Variants in MEOX2 observed in about 807,000 individuals in gnomAD.
MEOX2 encodes homeobox protein MOX-2.
In MEOX2, 11 loss-of-function variants were observed where a neutral mutation model predicts 27.0. The observed-to-expected ratio is 0.41, with a 90% CI of 0.26 to 0.68. MEOX2 has a LOEUF of 0.68. Ranked by LOEUF, MEOX2 falls within the 30% of genes least tolerant of loss-of-function variation. The pLI, the probability that MEOX2 is intolerant of heterozygous loss-of-function variation, is 0.33. For missense variants in MEOX2, 436 were observed against 385.4 expected, an observed-to-expected ratio of 1.13 and a Z score of -1.10; for synonymous variants, 189 against 155.4, an observed-to-expected ratio of 1.22 and a Z score of -1.61.
intron 1 of MEOX2, among the ~76,000 whole-genome samples, chr7:15,637,748 T>C (rs1026713374): frequency 6.6e-6 from 1 of 152,014 alleles, no homozygotes; most frequent in African/African-American, 2.4e-5. Context: ...ATCGGGGCTT[T>C]GAAGCCAGCA....
rs562108063 is a variant in MEOX2, at chr7:15,657,220, G to A, written c.517+28666C>T. On this transcript the variant is annotated intron_variant, in intron 1 of 2. Coordinates refer to ENST00000262041, the MANE Select transcript of MEOX2 (RefSeq NM_005924.5). ...ATTCTCGCAGCTGCTTGTTTTTGCA[G>A]GTTTATGTCTTTTGCTAAATTTGGA... Among the ~76,000 whole-genome samples, 4 of 152,050 alleles carry A rather than the reference G, an allele frequency of 2.6e-5. No homozygotes were observed. The South Asian group carries it at 8.3e-4, about 32-fold the overall frequency.
chr7:15,654,751 T>C (rs1014699739), intron 1 of MEOX2, among the ~76,000 whole-genome samples: 1 of 151,840 alleles, frequency 6.6e-6, no homozygotes, highest in African/African-American at 2.4e-5. Context: ...TACTTGATCA[T>C]AGTATATAAT....
chr7:15,670,580 A>G (rs1395098675), intron 1 of MEOX2, among the ~76,000 whole-genome samples: 1 of 152,220 alleles, frequency 6.6e-6, no homozygotes, highest in Non-Finnish European at 1.5e-5. Context: ...AGCCACATAT[A>G]TCTATTGAGT....
Position 15,686,540 on chromosome 7 carries a change from T to C in MEOX2, c.-138A>G, listed in dbSNP as rs1413718611. 7.7e-6 allele frequency: 6 copies of C among 780,544 alleles called. No homozygotes were observed. Among genetic ancestry groups the C allele is most frequent in the Non-Finnish European group, 1.2e-5 (6 of 496,714 alleles). The allele number at this position is 780,544 out of a possible 1,614,324, so 48.4% of individuals were successfully genotyped here. On this transcript the variant is annotated 5_prime_UTR_variant, in exon 1 of 3. Coordinates refer to ENST00000262041, the MANE Select transcript of MEOX2 (RefSeq NM_005924.5). ...CAATAGCGGTGCACTTCTGCAGAGCTCGGATAATCCCGGTCCTGAGCCCCA... is the reference window on the plus strand; with the variant it reads ...CAATAGCGGTGCACTTCTGCAGAGCCCGGATAATCCCGGTCCTGAGCCCCA...
chr7:15,678,648 A>T (rs1218561228), intron 1 of MEOX2, among the ~76,000 whole-genome samples: 1 of 152,198 alleles, frequency 6.6e-6, no homozygotes, highest in African/African-American at 2.4e-5. Context: ...AGCTACCTCA[A>T]CAGACTCTGA....
chr7:15,630,660 C>G (rs900332977), intron 1 of MEOX2, among the ~76,000 whole-genome samples: 1 of 151,932 alleles, frequency 6.6e-6, no homozygotes, highest in Non-Finnish European at 1.5e-5. Context: ...GTTTTGTAAA[C>G]TATTCAAAAT....
Position 15,686,194 on chromosome 7 carries a change from TGG to T in MEOX2, c.207_208del (p.His69GlnfsTer134), listed in dbSNP as rs745896587. 8,952 of 1,598,088 alleles carry T rather than the reference TGG, an allele frequency of 5.6e-3. 43 individuals carry two copies. The highest frequency in any genetic ancestry group is 6.9e-3 in the Non-Finnish European group (8,094 of 1,170,688). ...GTGATGGTGGTGGTGGTGGTGGTGG[TGG>T]TGGTGCCCCCTGTGATGCTGGCTGG... On this transcript the variant is annotated frameshift_variant, in exon 1 of 3. Transcript: ENST00000262041. LOFTEE classifies it high-confidence loss of function.
chr7:15,661,427 T>C (rs1781915109), intron 1 of MEOX2, among the ~76,000 whole-genome samples: 1 of 152,186 alleles, frequency 6.6e-6, no homozygotes, highest in African/African-American at 2.4e-5. Flanking sequence ...CTTGATCAAA[T>C]AGCTACCTAC....
At chr7:15,643,597 G>C (rs553473392) in intron 1 of MEOX2, among the ~76,000 whole-genome samples, 34 of 152,314 alleles carry the variant, frequency 2.2e-4, no homozygotes, top group East Asian at 2.1e-3. Flanking sequence ...CTCATCCCAA[G>C]GTGTCTGTTC....
intron 1 of MEOX2, among the ~76,000 whole-genome samples, chr7:15,659,503 G>C (rs1383185457): frequency 1.3e-5 from 2 of 152,146 alleles, no homozygotes; most frequent in African/African-American, 2.4e-5. Flanking sequence ...GCTCACGCCT[G>C]TAATCCCAGC....
intron 1 of MEOX2, among the ~76,000 whole-genome samples, chr7:15,684,678 A>G (rs1782349238): frequency 1.3e-5 from 2 of 152,202 alleles, no homozygotes; most frequent in Admixed American, 1.3e-4. Context: ...CCAATCCTTC[A>G]AACCAACATA....
intron 1 of MEOX2, among the ~76,000 whole-genome samples, chr7:15,656,350 C>T (rs1444002505): frequency 2.0e-5 from 3 of 151,932 alleles, no homozygotes; most frequent in South Asian, 4.1e-4. Context: ...AGGCCACTAA[C>T]ACTTAATATA....
At position 15,686,681 on chromosome 7, in the gene MEOX2, T is replaced by G; in HGVS notation, c.-279A>C. On this transcript the variant is annotated 5_prime_UTR_variant, in exon 1 of 3. Transcript: ENST00000262041. Reference sequence around the variant, plus strand: ...AAGAAGGTGGTCCCAGAGAACTGCTTTCAGGGGGAAATGGCTCTGAGAAGT... The same window carrying G: ...AAGAAGGTGGTCCCAGAGAACTGCTGTCAGGGGGAAATGGCTCTGAGAAGT... The G allele has an allele frequency of 6.5e-6, 3 of 464,258 alleles. No homozygotes were observed. Among genetic ancestry groups the G allele is most frequent in the Non-Finnish European group, 1.1e-5 (3 of 262,462 alleles). The allele number at this position is 464,258 out of a possible 1,614,324, so 28.8% of individuals were successfully genotyped here.
intron 1 of MEOX2, among the ~76,000 whole-genome samples, chr7:15,635,785 C>G (rs1393857643): frequency 6.6e-6 from 1 of 151,754 alleles, no homozygotes; most frequent in Non-Finnish European, 1.5e-5. Flanking sequence ...ATGGTTGGGC[C>G]CCTAAAAGTA....
intron 1 of MEOX2, among the ~76,000 whole-genome samples, chr7:15,684,818 C>A (rs967692082): frequency 6.6e-6 from 1 of 152,226 alleles, no homozygotes; most frequent in African/African-American, 2.4e-5. Flanking sequence ...CGAAAGAAAA[C>A]TCACAAGTCT....
chr7:15,649,852 T>C (rs1044624842), intron 1 of MEOX2, among the ~76,000 whole-genome samples: 9 of 152,078 alleles, frequency 5.9e-5, no homozygotes, highest in African/African-American at 2.2e-4. Context: ...CATCAGGAAC[T>C]CAGGACAGGG....
rs542446786 is a variant in MEOX2 at position 15,661,005 on chromosome 7, T to G, written c.517+24881A>C. ...TCCAGCCTTGGCAACAGAGCGAGAC[T>G]CAGTCTCAAAAAAAAAAAAAAAAAA... On this transcript the variant is annotated intron_variant, in intron 1 of 2. Coordinates refer to ENST00000262041, the MANE Select transcript of MEOX2 (RefSeq NM_005924.5). 1.0e-4 allele frequency among the ~76,000 whole-genome samples: 8 copies of G among 76,664 alleles called. No homozygotes were observed. In the East Asian group the frequency reaches 3.5e-3, roughly 34 times the overall value. 50.3% of individuals were successfully genotyped at this position (76,664 alleles called of 152,430 possible).
At chr7:15,660,141 C>A (rs1412987321) in intron 1 of MEOX2, among the ~76,000 whole-genome samples, 2 of 152,120 alleles carry the variant, frequency 1.3e-5, no homozygotes, top group Non-Finnish European at 2.9e-5. Flanking sequence ...AGTGAGATTT[C>A]TGTAGATGCA....
At chr7:15,648,215 C>A (rs1781679555) in intron 1 of MEOX2, among the ~76,000 whole-genome samples, 1 of 151,898 alleles carries the variant, frequency 6.6e-6, no homozygotes, top group Non-Finnish European at 1.5e-5. Context: ...TTATTATGAA[C>A]AGCATGAATA....
Sources: gnomAD v4.1 joint callset for allele counts (sites outside exome capture counted in the v4.1 genomes callset) on GRCh38, gnomAD v4.1.1 for gene constraint, MANE v1.5 for transcripts, NCBI Gene and HGNC (gene_info 2026-07-23, HGNC 2026-07-21) for gene names.